Variants in ZFP2 observed in about 807,000 individuals in gnomAD.
ZFP2 encodes zinc finger protein ZFP2.
ZFP2 carries 33 observed loss-of-function variants against 36.1 expected under a neutral mutation model. The observed-to-expected ratio is 0.92, with a 90% CI of 0.69 to 1.22. The LOEUF (loss-of-function observed/expected upper bound fraction) is 1.22, where lower values mean the gene tolerates loss of function less well. Among genes scored for constraint, ZFP2 ranks in the 50% most tolerant of loss-of-function variants. The pLI is 0.00. For synonymous variants in ZFP2, 170 were observed against 178.0 expected (o/e 0.96, Z 0.36); for missense variants, 522 against 551.4 (o/e 0.95, Z 0.53).
At chr5:178,906,777 C>T (rs13189941) in intron 1 of ZFP2, among the ~76,000 whole-genome samples, 31,233 of 151,708 alleles carry the variant, frequency 0.21, 3,684 homozygotes, top group Non-Finnish European at 0.25. Flanking sequence ...AAGCTGGTCT[C>T]GAACTCATGA....
chr5:178,931,981 T>C lies in ZFP2; in HGVS notation c.668T>C (p.Phe223Ser). Residue 223 changes from phenylalanine (F) to serine (S), a missense_variant, in exon 5 of 5, where the codon TTT becomes TCT. By Grantham distance (155) the Phe-to-Ser change is radical. Transcript: ENST00000361362. ...PYKCNECGKAFTQSMNLTVHQ... is the reference protein window; with the variant it reads ...PYKCNECGKASTQSMNLTVHQ... ...AAATGTAATGAATGTGGTAAAGCTT[T>C]TACCCAAAGCATGAATTTGACAGTT... 4 of 1,613,880 alleles carry C rather than the reference T, an allele frequency of 2.5e-6. No homozygotes were observed. Among genetic ancestry groups the C allele is most frequent in the Non-Finnish European group, 3.4e-6 (4 of 1,179,894 alleles).
chr5:178,910,899 G>T (rs577074582), intron 1 of ZFP2, among the ~76,000 whole-genome samples: 1 of 152,218 alleles, frequency 6.6e-6, no homozygotes, highest in Non-Finnish European at 1.5e-5. Context: ...CATTTTTAGG[G>T]ACTGAACCTT....
At chr5:178,910,191 G>A (rs923271884) in intron 1 of ZFP2, 2 of 1,566,468 alleles carry the variant, frequency 1.3e-6, no homozygotes, top group Non-Finnish European at 1.8e-6. Flanking sequence ...AATCTTTCTG[G>A]TGAATTTGCA....
rs774825267 is a variant in ZFP2 at position 178,931,308 on chromosome 5, G to A, written c.-6G>A. The A allele has an allele frequency of 1.5e-5, 24 of 1,581,932 alleles. No individual in the cohort carries two copies. Among genetic ancestry groups the A allele is most frequent in the Non-Finnish European group, 1.5e-5 (18 of 1,165,862 alleles). On this transcript the variant is annotated 5_prime_UTR_variant, in exon 5 of 5. Transcript: ENST00000361362. ...TATTACTGAAGATTTATGCCATGGGGTAACAATGGAAAGGGAAGGTATCTG... is the reference window on the plus strand; with the variant it reads ...TATTACTGAAGATTTATGCCATGGGATAACAATGGAAAGGGAAGGTATCTG...
chr5:178,931,418 C>A lies in ZFP2; in HGVS notation c.105C>A (p.Thr35=), dbSNP rs752404475. The A allele has an allele frequency of 4.3e-6, 7 of 1,613,822 alleles. No homozygotes were observed. Among genetic ancestry groups the A allele is most frequent in the Non-Finnish European group, 5.9e-6 (7 of 1,179,982 alleles). Residue 35 remains threonine, a synonymous_variant, in exon 5 of 5, where the codon ACC becomes ACA. Transcript: ENST00000361362. ...QDSHLSQVGV[T]HKETFTEMRV... The stretch of plus-strand genomic sequence containing the variant: ...GTCATCTGAGCCAAGTGGGAGTTAC[C>A]CATAAGGAAACCTTCACTGAGATGA...
intron 1 of ZFP2, among the ~76,000 whole-genome samples, chr5:178,908,973 T>A (rs1758230737): frequency 6.6e-6 from 1 of 150,512 alleles, no homozygotes; most frequent in African/African-American, 2.4e-5. Context: ...AGTTTAGTGC[T>A]AAAGGGTGGA....
rs990713790 is a variant in ZFP2 at position 178,930,314 on chromosome 5, C to CTTTTT, written c.-77-903_-77-899dup. 2.4e-3 allele frequency among the ~76,000 whole-genome samples: 174 copies of CTTTTT among 71,370 alleles called. 1 individual carries two copies. The highest frequency in any genetic ancestry group is 4.2e-3 in the South Asian group (7 of 1,654). 46.8% of individuals were successfully genotyped at this position (71,370 alleles called of 152,430 possible). A position where few individuals can be genotyped will look rare whatever the true frequency, so the allele number is the denominator to read the frequency against. ...ATTTCTTTCTTTTTTTTTCCCTTTC[C>CTTTTT]TTTTTTTTTTTTTTTTTTTTTTTTG... On this transcript the variant is annotated intron_variant, in intron 4 of 4. Coordinates refer to ENST00000361362, the MANE Select transcript of ZFP2 (RefSeq NM_030613.4).
At chr5:178,897,748 A>T (rs937230151) in intron 1 of ZFP2, among the ~76,000 whole-genome samples, 1 of 152,188 alleles carries the variant, frequency 6.6e-6, no homozygotes. Context: ...CGGCTATAAC[A>T]TCCATGATTG....
At chr5:178,906,271 C>G (rs780105690) in intron 1 of ZFP2, among the ~76,000 whole-genome samples, 1 of 152,170 alleles carries the variant, frequency 6.6e-6, no homozygotes, top group Non-Finnish European at 1.5e-5. Flanking sequence ...ATTCAGCTAA[C>G]AAGGTAATTT....
chr5:178,932,089 T>C lies in ZFP2; in HGVS notation c.776T>C (p.Val259Ala), dbSNP rs373361380. The change falls in exon 5 of 5, where the codon GTA (valine) becomes GCA (alanine). Residue 259 changes from valine to alanine, a missense_variant. By Grantham distance (64) the Val-to-Ala change is moderately conservative. Coordinates refer to ENST00000361362, the MANE Select transcript of ZFP2 (RefSeq NM_030613.4). ...KAFSQSMHLIVHQRSHTGEKP... is the reference protein window; with the variant it reads ...KAFSQSMHLIAHQRSHTGEKP... ...TTCAGTCAAAGCATGCATCTTATTG[T>C]ACATCAGAGAAGCCATACTGGAGAA... is the stretch of plus-strand genomic sequence containing the variant. The C allele has an allele frequency of 4.3e-6, 7 of 1,614,078 alleles. No individual in the cohort carries two copies. The Admixed American group carries it at 1.2e-4, about 27-fold the overall frequency.
Position 178,932,736 on chromosome 5 carries a change from C to A in ZFP2, c.*37C>A, listed in dbSNP as rs373712409. On this transcript the variant is annotated 3_prime_UTR_variant, in exon 5 of 5. Coordinates refer to ENST00000361362, the MANE Select transcript of ZFP2 (RefSeq NM_030613.4). ...ACTGGCCCTTACCTCATGATTAACT[C>A]TTCAGTAATAATCATATGAGACATA... 1.8e-5 allele frequency: 27 copies of A among 1,534,990 alleles called. No individual in the cohort carries two copies. The highest frequency in any genetic ancestry group is 1.6e-4 in the East Asian group (7 of 44,260).
chr5:178,914,604 A>C (rs1384168254), intron 3 of ZFP2, among the ~76,000 whole-genome samples: 2 of 152,038 alleles, frequency 1.3e-5, no homozygotes, highest in Non-Finnish European at 2.9e-5. Context: ...ACAGCAGGCA[A>C]AGTGTTTTTG....
rs140810572 is a variant in ZFP2, at chr5:178,928,607, C to T, written c.-77-2630C>T. ...CACTCTGCTGCGAGGGGTGGAGTCC[C>T]TAGGCCTTGGGCAGATCTGCCCACA... On this transcript the variant is annotated intron_variant, in intron 4 of 4. Coordinates refer to ENST00000361362, the MANE Select transcript of ZFP2 (RefSeq NM_030613.4). 8.5e-5 allele frequency among the ~76,000 whole-genome samples: 13 copies of T among 152,334 alleles called. No individual in the cohort carries two copies. In the East Asian group the frequency reaches 2.5e-3, roughly 29 times the overall value.
At position 178,931,995 on chromosome 5, in the gene ZFP2, A is replaced by G. The variant is rs1360305004; in HGVS notation, c.682A>G (p.Asn228Asp). The change falls in exon 5 of 5, where the codon AAT (asparagine) becomes GAT (aspartate). Residue 228 changes from asparagine to aspartate, a missense_variant. By Grantham distance (23) the Asn-to-Asp change is conservative (BLOSUM62 1). Coordinates refer to ENST00000361362, the MANE Select transcript of ZFP2 (RefSeq NM_030613.4). ...ECGKAFTQSM[N>D]LTVHQRTHTG... ...TGGTAAAGCTTTTACCCAAAGCATG[A>G]ATTTGACAGTTCATCAGAGAACTCA... 2 of 1,613,830 alleles carry G rather than the reference A, an allele frequency of 1.2e-6. No homozygotes were observed. The highest frequency in any genetic ancestry group is 3.3e-5 in the Admixed American group (2 of 59,982).
intron 4 of ZFP2, among the ~76,000 whole-genome samples, chr5:178,917,422 C>G (rs1285231317): frequency 6.6e-6 from 1 of 152,062 alleles, no homozygotes; most frequent in African/African-American, 2.4e-5. Context: ...CGAGACCAGT[C>G]TGGCCAACAT....
intron 4 of ZFP2, among the ~76,000 whole-genome samples, chr5:178,918,195 A>G (rs1196596723): frequency 6.6e-6 from 1 of 152,174 alleles, no homozygotes; most frequent in African/African-American, 2.4e-5. Context: ...CTATATCCTG[A>G]GCACCCAGAA....
intron 1 of ZFP2, among the ~76,000 whole-genome samples, chr5:178,905,245 G>C (rs1030099765): frequency 6.6e-6 from 1 of 152,094 alleles, no homozygotes; most frequent in East Asian, 1.9e-4. Flanking sequence ...ATTCTATTCA[G>C]ATCTTTCATT....
At chr5:178,904,587 G>A (rs1418830560) in intron 1 of ZFP2, among the ~76,000 whole-genome samples, 1 of 148,304 alleles carries the variant, frequency 6.7e-6, no homozygotes, top group Non-Finnish European at 1.5e-5. Flanking sequence ...TTATATATGA[G>A]TTTATTTTTA....
rs1019862581 is a variant in ZFP2, at chr5:178,922,822, A to G, written c.-78+6112A>G. 1.5e-5 allele frequency: 19 copies of G among 1,240,976 alleles called. No homozygotes were observed. In the African/African-American group the frequency reaches 2.6e-4, roughly 17 times the overall value. 76.9% of individuals were successfully genotyped at this position (1,240,976 alleles called of 1,614,324 possible). On this transcript the variant is annotated intron_variant, in intron 4 of 4. Transcript: ENST00000361362. ...AGTTCCATTTACAGCACTGTTTTTTATGTAGTTACAACATGATGTGATTGT... is the reference window on the plus strand; with the variant it reads ...AGTTCCATTTACAGCACTGTTTTTTGTGTAGTTACAACATGATGTGATTGT...
Sources: allele counts gnomAD v4.1 joint callset (sites outside exome capture counted in the v4.1 genomes callset), GRCh38; gene constraint gnomAD v4.1.1; transcripts MANE v1.5; gene names NCBI Gene and HGNC (gene_info 2026-07-23, HGNC 2026-07-21).